The following TPD52 variants were observed in gnomAD, a reference collection of about 807,000 sequenced individuals.
The protein encoded by TPD52 is prostate and colon associated protein.
In TPD52, 17 loss-of-function variants were observed where a neutral mutation model predicts 31.3. The ratio of observed to expected loss-of-function variants is 0.54; its 90% CI spans 0.37 to 0.82. The LOEUF (loss-of-function observed/expected upper bound fraction) is 0.82, where lower values mean the gene tolerates loss of function less well. Among genes scored for constraint, TPD52 ranks in the 40% least tolerant of loss-of-function variants. TPD52 has a pLI of 0.00. For missense variants in TPD52, 212 were observed against 240.1 expected (o/e 0.88, Z 0.77); for synonymous variants, 83 against 89.6 (o/e 0.93, Z 0.42).
chr8:80,062,455 A>G (rs1160858285), intron 2 of TPD52, among the ~76,000 whole-genome samples: 2 of 152,248 alleles, frequency 1.3e-5, no homozygotes, highest in African/African-American at 4.8e-5. Context: ...ACATAGGGGT[A>G]AATCTTTATC....
intron 1 of TPD52, among the ~76,000 whole-genome samples, chr8:80,132,032 CT>C (rs72390353): frequency 0.17 from 24,616 of 143,094 alleles, 3,108 homozygotes; most frequent in African/African-American, 0.37. Flanking sequence ...TTCTTTCTTT[CT>C]TTTTTTTTTT....
chr8:80,137,443 C>T (rs143841122), intron 1 of TPD52, among the ~76,000 whole-genome samples: 282 of 151,964 alleles, frequency 1.9e-3, no homozygotes, highest in African/African-American at 6.1e-3. Context: ...ATCCAAGATA[C>T]GTGTCAGTTA....
intron 1 of TPD52, among the ~76,000 whole-genome samples, chr8:80,134,771 G>A (rs976230597): frequency 2.6e-5 from 4 of 152,158 alleles, no homozygotes; most frequent in Middle Eastern, 3.2e-3. Flanking sequence ...TCCAAATGAC[G>A]ACAGCCCCAA....
At chr8:80,044,049 C>G (rs1192826981) in intron 6 of TPD52, 118 bp downstream of exon 6, 1 of 836,672 alleles carries the variant, frequency 1.2e-6, no homozygotes, top group African/African-American at 1.8e-5. Flanking sequence ...GAGTGTTAAA[C>G]ACACAGCTTG....
intron 1 of TPD52, among the ~76,000 whole-genome samples, chr8:80,157,672 A>C (rs1422276119): frequency 6.6e-6 from 1 of 152,256 alleles, no homozygotes; most frequent in Non-Finnish European, 1.5e-5. Context: ...TCACTGGTTA[A>C]AATTCTAAAA....
chr8:80,171,209 T>A, intron 1 of TPD52: 1 of 705,912 alleles, frequency 1.4e-6, no homozygotes, highest in Non-Finnish European at 2.6e-6. Flanking sequence ...ACACTCACAC[T>A]CACACATGCA....
intron 1 of TPD52, chr8:80,119,895 A>G: frequency 2.6e-6 from 1 of 386,940 alleles, no homozygotes. Context: ...CTATAGCAGA[A>G]AACATTAGAA....
chr8:80,133,019 G>A (rs1809133696), intron 1 of TPD52, among the ~76,000 whole-genome samples: 1 of 152,138 alleles, frequency 6.6e-6, no homozygotes, highest in African/African-American at 2.4e-5. Context: ...TGATGTAAAA[G>A]GAAAATCTGT....
At chr8:80,108,010 C>T (rs1563631828) in intron 1 of TPD52, among the ~76,000 whole-genome samples, 1 of 152,088 alleles carries the variant, frequency 6.6e-6, no homozygotes, top group Non-Finnish European at 1.5e-5. Context: ...AACTGTGATA[C>T]CTGCCTGATT....
At chr8:80,101,572 G>A (rs2130931494) in intron 1 of TPD52, among the ~76,000 whole-genome samples, 1 of 152,174 alleles carries the variant, frequency 6.6e-6, no homozygotes, top group South Asian at 2.1e-4. Context: ...TTTGGCTCAT[G>A]GTTCTGCAGG....
At chr8:80,160,203 T>C (rs1811253350) in intron 1 of TPD52, among the ~76,000 whole-genome samples, 2 of 143,612 alleles carry the variant, frequency 1.4e-5, no homozygotes, top group South Asian at 4.5e-4. Flanking sequence ...AAAAAAAAAG[T>C]AGTTTAAATT....
intron 1 of TPD52, among the ~76,000 whole-genome samples, chr8:80,126,403 G>T (rs1586350207): frequency 6.8e-6 from 1 of 147,042 alleles, no homozygotes; most frequent in Non-Finnish European, 1.5e-5. Context: ...CATCCCAAAT[G>T]GATTTTAATT....
chr8:80,063,301 T>C (rs1359869726), intron 2 of TPD52, among the ~76,000 whole-genome samples: 1 of 152,228 alleles, frequency 6.6e-6, no homozygotes, highest in African/African-American at 2.4e-5. Flanking sequence ...TACATAAGGT[T>C]ACATATTGTA....
At chr8:80,102,779 G>T (rs1806837091) in intron 1 of TPD52, among the ~76,000 whole-genome samples, 1 of 152,164 alleles carries the variant, frequency 6.6e-6, no homozygotes, top group South Asian at 2.1e-4. Context: ...CCAACCATGT[G>T]ATTAGAGGGC....
chr8:80,059,592 G>A (rs561505621), intron 2 of TPD52, among the ~76,000 whole-genome samples: 58 of 152,300 alleles, frequency 3.8e-4, no homozygotes, highest in Admixed American at 9.2e-4. Flanking sequence ...AGTGGCTCAC[G>A]CCTGTAATCC....
intron 4 of TPD52, 27 bp from the exon 5 acceptor site, chr8:80,050,498 A>G: frequency 6.3e-7 from 1 of 1,591,916 alleles, no homozygotes; most frequent in South Asian, 1.2e-5. Context: ...TAAGCATTAA[A>G]AAAGAAAGAA....
chr8:80,142,781 C>T (rs535014514), intron 1 of TPD52, among the ~76,000 whole-genome samples: 3 of 152,270 alleles, frequency 2.0e-5, no homozygotes, highest in African/African-American at 7.2e-5. Flanking sequence ...CTTACAGTCC[C>T]ATTAAAAGAG....
At chr8:80,100,418 C>T (rs1806647980) in intron 1 of TPD52, among the ~76,000 whole-genome samples, 4 of 152,250 alleles carry the variant, frequency 2.6e-5, no homozygotes, top group Non-Finnish European at 1.5e-5. Flanking sequence ...AAAAAGGCAA[C>T]AGCACCTTCA....
Position 80,051,568 on chromosome 8 carries a change from C to T in TPD52, c.345G>A (p.Ser115=), listed in dbSNP as rs146530746. The T allele has an allele frequency of 2.1e-4, 346 of 1,613,328 alleles. No individual in the cohort carries two copies. The highest frequency in any genetic ancestry group is 7.6e-4 in the South Asian group (69 of 90,988). The part of the protein sequence containing the change: ...QAGQKASAAF[S]SVGSVITKKL... Reference sequence around the variant, plus strand: ...TTTTGGTGATGACTGAGCCAACAGACGAAAAAGCAGCTGAGGCCTTCTGTC... The same window carrying T: ...TTTTGGTGATGACTGAGCCAACAGATGAAAAAGCAGCTGAGGCCTTCTGTC... Residue 115 remains serine (S), a synonymous_variant, in exon 4 of 8, where the codon TCG becomes TCA. Transcript: ENST00000518937.
Sources: gnomAD v4.1 joint callset for allele counts (sites outside exome capture counted in the v4.1 genomes callset) on GRCh38, gnomAD v4.1.1 for gene constraint, MANE v1.5 for transcripts, NCBI Gene and HGNC (gene_info 2026-07-23, HGNC 2026-07-21) for gene names.